The following IMMP2L variants were observed in gnomAD, a reference collection of about 807,000 sequenced individuals.
IMMP2L encodes the protein mitochondrial inner membrane protease subunit 2.
A neutral mutation model predicts 19.3 loss-of-function variants in IMMP2L; 18 were observed. The ratio of observed to expected loss-of-function variants is 0.93; its 90% CI spans 0.64 to 1.38. The LOEUF is 1.38. IMMP2L is among the 40% of genes most tolerant of loss of function. The pLI is 0.00. For missense variants in IMMP2L, 233 were observed against 218.2 expected (o/e 1.07, Z -0.43); for synonymous variants, 76 against 73.0 (o/e 1.04, Z -0.21).
In IMMP2L at chr7:110,850,953, G is replaced by GA. The variant is rs1387305868; in HGVS notation, c.408+35639dup. Among the ~76,000 whole-genome samples, 12 of 151,324 alleles carry GA rather than the reference G, an allele frequency of 7.9e-5. No individual in the cohort carries two copies. The South Asian group carries it at 8.4e-4, about 11-fold the overall frequency. On this transcript the variant is annotated intron_variant, in intron 5 of 5. Coordinates refer to ENST00000405709, the MANE Select transcript of IMMP2L (RefSeq NM_032549.4). ...AGACATGGAAAAACAATTTGCTAAA[G>GA]AAAAAAAAGATTAATAACCATGTAA...
intron 4 of IMMP2L, among the ~76,000 whole-genome samples, chr7:110,951,311 TTTTAA>T (rs1438450725): frequency 2.0e-5 from 3 of 152,088 alleles, no homozygotes; most frequent in African/African-American, 2.4e-5. Context: ...TTAAAAAAAC[TTTTAA>T]TTTGTTTGTT....
At chr7:110,818,494 G>A (rs1274591866) in intron 5 of IMMP2L, among the ~76,000 whole-genome samples, 27 of 150,056 alleles carry the variant, frequency 1.8e-4, no homozygotes, top group South Asian at 4.3e-4. Flanking sequence ...GGAGAAATAG[G>A]AACACTTTTA....
intron 3 of IMMP2L, among the ~76,000 whole-genome samples, chr7:111,353,978 A>C (rs1351765617): frequency 1.3e-5 from 2 of 152,094 alleles, no homozygotes; most frequent in Non-Finnish European, 2.9e-5. Context: ...ATTAGGTGAT[A>C]AAATGGTATA....
Position 110,852,236 on chromosome 7 carries a change from G to A in IMMP2L, c.408+34357C>T, listed in dbSNP as rs77499145. 3.5e-3 allele frequency among the ~76,000 whole-genome samples: 536 copies of A among 151,516 alleles called. 2 individuals are homozygous for A. Among genetic ancestry groups the A allele is most frequent in the Non-Finnish European group, 6.4e-3 (431 of 67,778 alleles). On this transcript the variant is annotated intron_variant, in intron 5 of 5. Transcript: ENST00000405709. ...TGGATGGATGGATGGATGGATGGAT[G>A]GATGGATGTATACACATATATAGCC...
intron 3 of IMMP2L, among the ~76,000 whole-genome samples, chr7:111,041,355 T>C (rs1014665964): frequency 6.6e-6 from 1 of 152,048 alleles, no homozygotes; most frequent in African/African-American, 2.4e-5. Context: ...AGTCTAAGCA[T>C]GTACTTCTGT....
chr7:111,540,323 G>T (rs887570720), intron 1 of IMMP2L, among the ~76,000 whole-genome samples: 2 of 152,120 alleles, frequency 1.3e-5, no homozygotes, highest in Non-Finnish European at 2.9e-5. Context: ...GCAAAAATGG[G>T]CTTCTTCCAA....
rs1241428003 is a variant in IMMP2L, at chr7:111,535,509, C to T, written c.-2-14060G>A. 2.0e-5 allele frequency among the ~76,000 whole-genome samples: 3 copies of T among 151,934 alleles called. No individual in the cohort carries two copies. In the East Asian group the frequency reaches 5.8e-4, roughly 29 times the overall value. On this transcript the variant is annotated intron_variant, in intron 1 of 5. Transcript: ENST00000405709. ...ATATATCTAAAGAAATGGTCTTTGCCCCATCGGACACTTAAAATCTAAACA... is the reference window on the plus strand; with the variant it reads ...ATATATCTAAAGAAATGGTCTTTGCTCCATCGGACACTTAAAATCTAAACA...
intron 5 of IMMP2L, among the ~76,000 whole-genome samples, chr7:110,781,455 T>C (rs1370563325): frequency 2.6e-5 from 4 of 151,876 alleles, no homozygotes; most frequent in Admixed American, 6.6e-5. Context: ...AATTTCTAAA[T>C]GGCAAAAAAT....
chr7:111,110,254 C>A (rs1206620465), intron 3 of IMMP2L, among the ~76,000 whole-genome samples: 1 of 152,092 alleles, frequency 6.6e-6, no homozygotes, highest in Non-Finnish European at 1.5e-5. Context: ...AAATGATATT[C>A]TTTTTCAAAT....
intron 3 of IMMP2L, among the ~76,000 whole-genome samples, chr7:111,139,844 C>T (rs539327015): frequency 7.9e-5 from 12 of 152,212 alleles, no homozygotes; most frequent in Admixed American, 7.2e-4. Flanking sequence ...CACAATTTCC[C>T]AGCAAAAGGA....
intron 3 of IMMP2L, among the ~76,000 whole-genome samples, chr7:111,018,249 C>G (rs906418937): frequency 2.6e-5 from 4 of 152,134 alleles, no homozygotes; most frequent in Non-Finnish European, 2.9e-5. Flanking sequence ...TTAAAATCAC[C>G]TGGCAGCATG....
intron 3 of IMMP2L, among the ~76,000 whole-genome samples, chr7:111,280,327 C>T (rs904307807): frequency 1.3e-5 from 2 of 152,166 alleles, no homozygotes; most frequent in Non-Finnish European, 1.5e-5. Context: ...CTTCAGGTCT[C>T]AGCTCACATA....
At chr7:110,671,355 C>T (rs1263485085) in intron 5 of IMMP2L, among the ~76,000 whole-genome samples, 2 of 152,122 alleles carry the variant, frequency 1.3e-5, no homozygotes, top group Admixed American at 6.5e-5. Flanking sequence ...ATTTTAGATA[C>T]AAATAGAAGT....
At chr7:111,106,794 C>CA (rs1032992461) in intron 3 of IMMP2L, among the ~76,000 whole-genome samples, 4 of 148,472 alleles carry the variant, frequency 2.7e-5, no homozygotes, top group South Asian at 2.2e-4. Flanking sequence ...TTAATCATAC[C>CA]AAAAAAAATG....
intron 3 of IMMP2L, among the ~76,000 whole-genome samples, chr7:111,138,594 A>T (rs1802570751): frequency 6.6e-6 from 1 of 152,222 alleles, no homozygotes; most frequent in Non-Finnish European, 1.5e-5. Flanking sequence ...TCTTGTTCCA[A>T]GTTAGGTAAA....
At chr7:110,838,539 G>A (rs1804738229) in intron 5 of IMMP2L, among the ~76,000 whole-genome samples, 1 of 152,016 alleles carries the variant, frequency 6.6e-6, no homozygotes, top group Admixed American at 6.6e-5. Flanking sequence ...ATGGTTAATG[G>A]ATTAATGGCA....
At chr7:110,690,189 A>G (rs1308073434) in intron 5 of IMMP2L, among the ~76,000 whole-genome samples, 1 of 152,300 alleles carries the variant, frequency 6.6e-6, no homozygotes, top group East Asian at 1.9e-4. Context: ...ATCCAGTCTA[A>G]GAATCTCCCA....
At chr7:111,473,370 T>C (rs754060259) in intron 3 of IMMP2L, among the ~76,000 whole-genome samples, 20 of 152,152 alleles carry the variant, frequency 1.3e-4, no homozygotes, top group Non-Finnish European at 2.5e-4. Context: ...TCCCCCAAAA[T>C]ACAAAATACA....
chr7:111,467,593 G>A (rs1840800556), intron 3 of IMMP2L, among the ~76,000 whole-genome samples: 1 of 152,132 alleles, frequency 6.6e-6, no homozygotes, highest in Non-Finnish European at 1.5e-5. Context: ...CGGGATTACA[G>A]AGACGGTAAG....
Sources: gnomAD v4.1 joint callset for allele counts (sites outside exome capture counted in the v4.1 genomes callset) on GRCh38, gnomAD v4.1.1 for gene constraint, MANE v1.5 for transcripts, NCBI Gene and HGNC (gene_info 2026-07-23, HGNC 2026-07-21) for gene names.